The following PCDHA11 variants were observed in gnomAD, a reference collection of about 807,000 sequenced individuals.
PCDHA11 encodes protocadherin alpha-11.
In PCDHA11, 61 loss-of-function variants were observed where a neutral mutation model predicts 70.3. The ratio of observed to expected loss-of-function variants is 0.87; its 90% CI spans 0.71 to 1.07. The LOEUF (loss-of-function observed/expected upper bound fraction) is 1.07, where lower values mean the gene tolerates loss of function less well. Among genes scored for constraint, PCDHA11 ranks in the 50% least tolerant of loss-of-function variants. The pLI, the probability that PCDHA11 is intolerant of heterozygous loss-of-function variation, is 0.00. For synonymous variants in PCDHA11, 633 were observed against 555.1 expected (o/e 1.14, Z -1.97); for missense variants, 1,324 against 1,237.5 (o/e 1.07, Z -1.05).
At chr5:140,890,576 A>T (rs1554184435) in intron 1 of PCDHA11, among the ~76,000 whole-genome samples, 2 of 151,634 alleles carry the variant, frequency 1.3e-5, no homozygotes, top group African/African-American at 4.8e-5. Flanking sequence ...TTCCTTCTGT[A>T]TTATTTGGAA....
chr5:140,989,240 C>T (rs1180879985), intron 3 of PCDHA11, among the ~76,000 whole-genome samples: 1 of 152,152 alleles, frequency 6.6e-6, no homozygotes, highest in Non-Finnish European at 1.5e-5. Flanking sequence ...AAGTTTTAAG[C>T]CCCTTGTCAA....
At position 140,870,603 on chromosome 5, in the gene PCDHA11, C is replaced by T. The variant is rs782250124; in HGVS notation, c.1500C>T (p.Asp500=). ...CGCTGGTGGAGCGGCGGTTGGGCGACCGCGCGCTGTCGAGCTACGTGTCGG... is the reference window on the plus strand; with the variant it reads ...CGCTGGTGGAGCGGCGGTTGGGCGATCGCGCGCTGTCGAGCTACGTGTCGG... ...SYSLVERRLG[D]RALSSYVSVH... is the part of the protein sequence containing the mutation. The change falls in exon 1 of 4, where the codon GAC becomes GAT. Residue 500 remains aspartate (D), a synonymous_variant. Coordinates refer to ENST00000398640, the MANE Select transcript of PCDHA11 (RefSeq NM_018902.5). The T allele has an allele frequency of 4.3e-6, 7 of 1,613,340 alleles. No homozygotes were observed. The Admixed American group carries it at 1.2e-4, about 27-fold the overall frequency.
In PCDHA11 at chr5:140,927,525, T is replaced by G. The variant is rs782496581; in HGVS notation, c.2392-51424T>G. ...TTACAGCTCGGGACGGCGGGCTACC[T>G]GCCCGCTCAGGAGACGCACAAGTCA... On this transcript the variant is annotated intron_variant, in intron 1 of 3. Transcript: ENST00000398640. 3.1e-6 allele frequency: 5 copies of G among 1,614,088 alleles called. 1 individual carries two copies. In the South Asian group the frequency reaches 5.5e-5, roughly 18 times the overall value.
chr5:141,005,701 CAAAAAAAAAAA>C (rs59860837), intron 3 of PCDHA11, among the ~76,000 whole-genome samples: 24 of 7,788 alleles, frequency 3.1e-3, no homozygotes, highest in African/African-American at 7.5e-3. Flanking sequence ...AACTCCGTCT[CAAAAAAAAAAA>C]AAAAAAAAAA....
chr5:140,999,747 C>T (rs2097874058), intron 3 of PCDHA11, among the ~76,000 whole-genome samples: 1 of 152,008 alleles, frequency 6.6e-6, no homozygotes, highest in East Asian at 1.9e-4. Flanking sequence ...AATCTGGGTT[C>T]GCAGCACATG....
At chr5:140,883,705 T>G (rs251380) in intron 1 of PCDHA11, 1,065,865 of 1,613,504 alleles carry the variant, frequency 0.66, 353,266 homozygotes, top group Middle Eastern at 0.71. Flanking sequence ...CGGTGTCTGC[T>G]CAGGACGCGG....
intron 1 of PCDHA11, among the ~76,000 whole-genome samples, chr5:140,953,432 C>T (rs1292809968): frequency 6.6e-6 from 1 of 152,108 alleles, no homozygotes; most frequent in Non-Finnish European, 1.5e-5. Context: ...TGTCCTTAAG[C>T]TGGAGAAACT....
At chr5:140,889,872 G>A (rs1554184085) in intron 1 of PCDHA11, among the ~76,000 whole-genome samples, 1 of 152,140 alleles carries the variant, frequency 6.6e-6, no homozygotes, top group South Asian at 2.1e-4. Flanking sequence ...GGGGAAGCCT[G>A]CCACCATGTA....
At chr5:140,889,733 A>T (rs192682337) in intron 1 of PCDHA11, among the ~76,000 whole-genome samples, 1 of 152,316 alleles carries the variant, frequency 6.6e-6, no homozygotes, top group Admixed American at 6.5e-5. Context: ...CTCACTGAGT[A>T]GCAGAGTCTA....
intron 1 of PCDHA11, among the ~76,000 whole-genome samples, chr5:140,942,360 G>A (rs782168150): frequency 4.0e-5 from 6 of 151,816 alleles, no homozygotes; most frequent in Admixed American, 3.3e-4. Context: ...TGCAGTTAAC[G>A]GAGATTGCAC....
chr5:140,876,376 A>G (rs2056310624), intron 1 of PCDHA11: 1 of 1,613,840 alleles, frequency 6.2e-7, no homozygotes, highest in African/African-American at 1.3e-5. Flanking sequence ...CACAGGTGAA[A>G]TTAGAATTTA....
At chr5:140,875,428 C>T (rs782761347) in intron 1 of PCDHA11, 1 of 1,537,796 alleles carries the variant, frequency 6.5e-7, no homozygotes, top group Non-Finnish European at 8.7e-7. Context: ...GGCAAGCGAT[C>T]CCTTAAAACT....
chr5:140,884,662 G>C lies in PCDHA11; in HGVS notation c.2391+13168G>C, dbSNP rs372022274. On this transcript the variant is annotated intron_variant, in intron 1 of 3. Transcript: ENST00000398640. ...AGGAGGACTCAGAATGCTTGAAAGA[G>C]GTAAGCTTATATTTTAAAAAATTGT... is the stretch of plus-strand genomic sequence containing the variant. 11 of 1,589,820 alleles carry C rather than the reference G, an allele frequency of 6.9e-6. No homozygotes were observed. In the African/African-American group the frequency reaches 9.4e-5, roughly 14 times the overall value.
chr5:140,975,759 A>G (rs1420459945), intron 1 of PCDHA11, among the ~76,000 whole-genome samples: 1 of 152,248 alleles, frequency 6.6e-6, no homozygotes, highest in Non-Finnish European at 1.5e-5. Context: ...TCTATGTCAT[A>G]AATCACAGAT....
At position 140,927,327 on chromosome 5, in the gene PCDHA11, C is replaced by T. The variant is rs781793681; in HGVS notation, c.2392-51622C>T. On this transcript the variant is annotated intron_variant, in intron 1 of 3. Coordinates refer to ENST00000398640, the MANE Select transcript of PCDHA11 (RefSeq NM_018902.5). ...TGACGCCCGGAGCCCGCTTTACTCT[C>T]CCGAATGCCCAAGATGACGACGAGG... 8.5e-5 allele frequency: 137 copies of T among 1,614,206 alleles called. No individual in the cohort carries two copies. In the Middle Eastern group the frequency reaches 3.6e-3, roughly 43 times the overall value.
chr5:141,005,339 T>C (rs920058303), intron 3 of PCDHA11, among the ~76,000 whole-genome samples: 5 of 151,926 alleles, frequency 3.3e-5, no homozygotes, highest in African/African-American at 9.7e-5. Context: ...GCCAAGGGGG[T>C]GCTGCTTGGC....
At chr5:140,917,370 C>T (rs571895312) in intron 1 of PCDHA11, among the ~76,000 whole-genome samples, 1 of 150,338 alleles carries the variant, frequency 6.7e-6, no homozygotes, top group Non-Finnish European at 1.5e-5. Context: ...CTATCTTGCT[C>T]CACCTCAATA....
At chr5:140,966,792 C>T (rs1182470326) in intron 1 of PCDHA11, 4 of 1,530,564 alleles carry the variant, frequency 2.6e-6, no homozygotes, top group Non-Finnish European at 2.6e-6. Context: ...ACCAGACCTG[C>T]GGCGACAGAG....
In PCDHA11 at chr5:140,870,703, G is replaced by A. The variant is rs899824906; in HGVS notation, c.1600G>A (p.Val534Met). 2 of 1,612,916 alleles carry A rather than the reference G, an allele frequency of 1.2e-6. No individual in the cohort carries two copies. The highest frequency in any genetic ancestry group is 2.2e-5 in the East Asian group (1 of 44,874). Residue 534 changes from valine to methionine, a missense_variant, in exon 1 of 4, where the codon GTG becomes ATG. By Grantham distance (21) the Val-to-Met change is conservative (BLOSUM62 1). Coordinates refer to ENST00000398640, the MANE Select transcript of PCDHA11 (RefSeq NM_018902.5). The part of the protein sequence containing the change: ...HEELELLQFQ[V>M]SARDAGVPPL... ...GGAGCTGGAGCTGCTACAGTTCCAG[G>A]TGAGCGCGCGCGATGCGGGCGTGCC...
Sources: gnomAD v4.1 joint callset for allele counts (sites outside exome capture counted in the v4.1 genomes callset) on GRCh38, gnomAD v4.1.1 for gene constraint, MANE v1.5 for transcripts, NCBI Gene and HGNC (gene_info 2026-07-23, HGNC 2026-07-21) for gene names.